The following RMDN1 variants were observed in gnomAD, a reference collection of about 807,000 sequenced individuals.
RMDN1 encodes regulator of microtubule dynamics protein 1.
Under a neutral mutation model 48.9 loss-of-function variants are expected in RMDN1, and 48 were observed. The observed-to-expected ratio is 0.98, with a 90% CI of 0.78 to 1.25. RMDN1 has a LOEUF of 1.25. Ranked by LOEUF, RMDN1 falls within the 50% of genes most tolerant of loss-of-function variation. The pLI, the probability that RMDN1 is intolerant of heterozygous loss-of-function variation, is 0.00. For missense variants in RMDN1, 418 were observed against 373.4 expected (o/e 1.12, Z -0.98); for synonymous variants, 148 against 132.6 (o/e 1.12, Z -0.80).
intron 2 of RMDN1, among the ~76,000 whole-genome samples, chr8:86,491,937 A>C (rs761398062): frequency 4.6e-5 from 7 of 152,180 alleles, no homozygotes; most frequent in South Asian, 4.1e-4. Context: ...AGAAAATCTG[A>C]ATATCTAGAT....
rs779018081 is a variant in RMDN1 at position 86,508,643 on chromosome 8, C to T, written c.-23G>A. On this transcript the variant is annotated 5_prime_UTR_variant, in exon 1 of 10. Transcript: ENST00000406452. ...CATGACCTGCAACTTGCGGGCTGAC[C>T]CTGCACTACTTCAGGCAGCTACGGA... The T allele has an allele frequency of 1.9e-6, 3 of 1,585,062 alleles. No individual in the cohort carries two copies. The highest frequency in any genetic ancestry group is 2.7e-5 in the African/African-American group (2 of 74,002).
chr8:86,468,772 A>G (rs1011091833), downstream of RMDN1: 8 of 452,658 alleles, frequency 1.8e-5, no homozygotes, highest in Middle Eastern at 3.3e-4. Context: ...TTCATACCCA[A>G]TTATAGATAT....
At chr8:86,511,539 G>T (rs1462617042), upstream of RMDN1, among the ~76,000 whole-genome samples, 6 of 152,076 alleles carry the variant, frequency 3.9e-5, no homozygotes, top group African/African-American at 1.4e-4. Flanking sequence ...GCTGGGCGTG[G>T]TGCCTCATGC....
intron 6 of RMDN1, 64 bp from the exon 7 acceptor site, chr8:86,479,074 A>G: frequency 8.3e-7 from 1 of 1,198,834 alleles, no homozygotes. Context: ...AAAGTTAACT[A>G]AGCATCTTAA....
Position 86,473,284 on chromosome 8 carries a change from T to C in RMDN1, c.*1024A>G, listed in dbSNP as rs1812829638. On this transcript the variant is annotated 3_prime_UTR_variant, in exon 10 of 10. Coordinates refer to ENST00000406452, the MANE Select transcript of RMDN1 (RefSeq NM_016033.3). ...TATCTAAGTGGATTCAAGATGCTCC[T>C]TTTTACAAAACTTAAAAAGATTTTG... 1.0e-6 allele frequency: 1 copy of C among 985,352 alleles called. No individual in the cohort carries two copies. Among genetic ancestry groups the C allele is most frequent in the Non-Finnish European group, 1.2e-6 (1 of 829,902 alleles). The allele number at this position is 985,352 out of a possible 1,614,324, so 61.0% of individuals were successfully genotyped here.
At chr8:86,488,706 C>A in intron 2 of RMDN1, 67 bp from the exon 3 acceptor site, 1 of 1,071,208 alleles carries the variant, frequency 9.3e-7, no homozygotes, top group African/African-American at 1.6e-5. Context: ...GACAATAATT[C>A]AAAGAAACTT....
chr8:86,513,960 C>A (rs1314521583), intron 1 of RMDN1, among the ~76,000 whole-genome samples: 1 of 151,816 alleles, frequency 6.6e-6, no homozygotes, highest in African/African-American at 2.4e-5. Context: ...CTGCCTCAGC[C>A]TCCTGTGTAG....
intron 8 of RMDN1, among the ~76,000 whole-genome samples, chr8:86,476,893 G>T (rs1271895001): frequency 6.6e-6 from 1 of 152,018 alleles, no homozygotes; most frequent in Non-Finnish European, 1.5e-5. Flanking sequence ...TAGAGATGAG[G>T]TCTCGCTATG....
intron 2 of RMDN1, chr8:86,494,805 C>T (rs375565179): frequency 3.6e-5 from 11 of 305,480 alleles, no homozygotes; most frequent in African/African-American, 2.0e-4. Flanking sequence ...AAAACCCCAT[C>T]TCTTCTAAAA....
At chr8:86,470,880 A>C (rs957688585), downstream of RMDN1, among the ~76,000 whole-genome samples, 1 of 152,072 alleles carries the variant, frequency 6.6e-6, no homozygotes, top group East Asian at 1.9e-4. Context: ...GGAGAGGAGG[A>C]GGTAGATGGG....
At chr8:86,485,638 T>C in intron 4 of RMDN1, among the ~76,000 whole-genome samples, 1 of 152,202 alleles carries the variant, frequency 6.6e-6, no homozygotes, top group African/African-American at 2.4e-5. Context: ...TACTCTCACA[T>C]TGCATTGTTA....
intron 2 of RMDN1, among the ~76,000 whole-genome samples, chr8:86,499,084 C>T (rs1333967560): frequency 6.6e-6 from 1 of 152,150 alleles, no homozygotes; most frequent in Admixed American, 6.5e-5. Context: ...ATAATAAGAG[C>T]TATCTATGAC....
chr8:86,483,076 T>G (rs1814838559), intron 5 of RMDN1: 4 of 436,976 alleles, frequency 9.2e-6, no homozygotes, highest in Non-Finnish European at 1.6e-5. Flanking sequence ...TCAAGCAAAC[T>G]CTTTTATAAT....
chr8:86,478,273 G>C (rs1458022845), intron 7 of RMDN1: 3 of 151,548 alleles, frequency 2.0e-5, no homozygotes, highest in African/African-American at 4.9e-5. Flanking sequence ...ATACAACTAA[G>C]TATTTTTTAC....
At chr8:86,496,217 A>C (rs1207186560) in intron 2 of RMDN1, among the ~76,000 whole-genome samples, 2 of 152,244 alleles carry the variant, frequency 1.3e-5, no homozygotes, top group African/African-American at 2.4e-5. Flanking sequence ...GTTCATAGCG[A>C]CACTGTAAAG....
chr8:86,481,560 CTTTTTTTTT>C (rs71275857), intron 5 of RMDN1, among the ~76,000 whole-genome samples: 3 of 104,490 alleles, frequency 2.9e-5, no homozygotes, highest in Non-Finnish European at 3.8e-5. Flanking sequence ...ATTAATTTTC[CTTTTTTTTT>C]TTTTTTTTTT....
intron 2 of RMDN1, among the ~76,000 whole-genome samples, chr8:86,503,385 A>AAAAAAAAAAACAAAAC (rs1554594088): frequency 3.7e-5 from 3 of 81,066 alleles, no homozygotes; most frequent in African/African-American, 1.4e-4. Context: ...AAAAAAAAAA[A>AAAAAAAAAAACAAAAC]AAAACAAAAA....
chr8:86,501,429 T>C (rs769993142), intron 2 of RMDN1, among the ~76,000 whole-genome samples: 14 of 152,118 alleles, frequency 9.2e-5, no homozygotes, highest in South Asian at 2.1e-4. Flanking sequence ...TCTCAGCACT[T>C]TGGGAGGCTG....
chr8:86,487,250 T>C (rs992566641), intron 3 of RMDN1, among the ~76,000 whole-genome samples: 5 of 152,216 alleles, frequency 3.3e-5, no homozygotes, highest in Admixed American at 1.3e-4. Flanking sequence ...CATTTCCATA[T>C]AATGACATAA....
Sources: allele counts gnomAD v4.1 joint callset (sites outside exome capture counted in the v4.1 genomes callset), GRCh38; gene constraint gnomAD v4.1.1; transcripts MANE v1.5; gene names NCBI Gene and HGNC (gene_info 2026-07-23, HGNC 2026-07-21).